Variants in PARVA observed in about 807,000 individuals in gnomAD.
The protein encoded by PARVA is alpha-parvin.
PARVA carries 25 observed loss-of-function variants against 52.6 expected under a neutral mutation model. The ratio of observed to expected loss-of-function variants is 0.48; its 90% CI spans 0.35 to 0.66. PARVA has a LOEUF of 0.66. Ranked by LOEUF, PARVA falls within the 30% of genes least tolerant of loss-of-function variation. The probability of loss-of-function intolerance (pLI) is 0.01; values close to 1 mark genes in which losing one functional copy is unlikely to be tolerated. For missense variants in PARVA, 373 were observed against 450.9 expected, an observed-to-expected ratio of 0.83 and a Z score of 1.56; for synonymous variants, 185 against 179.1, an observed-to-expected ratio of 1.03 and a Z score of -0.26.
intron 1 of PARVA, 79 bp downstream of exon 1, chr11:12,377,862 C>A: frequency 9.6e-7 from 1 of 1,040,000 alleles, no homozygotes; most frequent in Non-Finnish European, 1.2e-6. Flanking sequence ...GCACTGGGAC[C>A]GGGCGGGAGC....
At chr11:12,395,351 TA>T (rs1022922480) in intron 1 of PARVA, among the ~76,000 whole-genome samples, 1 of 152,212 alleles carries the variant, frequency 6.6e-6, no homozygotes, top group Admixed American at 6.5e-5. Flanking sequence ...AGAACAGCTT[TA>T]CACAGGTCTT....
intron 4 of PARVA, among the ~76,000 whole-genome samples, chr11:12,492,190 T>G (rs1941242212): frequency 6.6e-6 from 1 of 152,236 alleles, no homozygotes; most frequent in African/African-American, 2.4e-5. Context: ...TCTTTATGCG[T>G]CAGAACTTTT....
At chr11:12,490,215 CAAAAAAAA>C (rs34941352) in intron 4 of PARVA, among the ~76,000 whole-genome samples, 1 of 107,696 alleles carries the variant, frequency 9.3e-6, no homozygotes, top group African/African-American at 4.1e-5. Context: ...GACTCAGTCT[CAAAAAAAA>C]AAAAAAAAAG....
chr11:12,521,309 C>T (rs769679331), intron 12 of PARVA, among the ~76,000 whole-genome samples: 46 of 152,306 alleles, frequency 3.0e-4, no homozygotes, highest in Admixed American at 2.8e-3. Flanking sequence ...CTCCCCCATT[C>T]CCCTAGGAGA....
At chr11:12,391,329 C>A (rs773561694) in intron 1 of PARVA, among the ~76,000 whole-genome samples, 1 of 152,092 alleles carries the variant, frequency 6.6e-6, no homozygotes, top group Non-Finnish European at 1.5e-5. Context: ...AGTCCAGGGC[C>A]ATGAATTGGC....
intron 1 of PARVA, among the ~76,000 whole-genome samples, chr11:12,473,449 C>T (rs1036793294): frequency 1.3e-5 from 2 of 152,152 alleles, no homozygotes; most frequent in African/African-American, 2.4e-5. Context: ...GTGCCCACCT[C>T]GCTTCCATTC....
rs1941750567 is a variant in PARVA, at chr11:12,529,906, G to A, written c.*1981G>A. On this transcript the variant is annotated 3_prime_UTR_variant, in exon 13 of 13. Transcript: ENST00000334956. ...TTTTTATTAGGAAACACTAAATAGT[G>A]TAATATTTCTTTTGCTTTTAAAAAA... 1 of 152,138 alleles carries A rather than the reference G, an allele frequency of 6.6e-6. No homozygotes were observed. The highest frequency in any genetic ancestry group is 2.1e-4 in the South Asian group (1 of 4,836). The allele number at this position is 152,138 out of a possible 1,614,324, so 9.4% of individuals were successfully genotyped here.
intron 1 of PARVA, among the ~76,000 whole-genome samples, chr11:12,404,654 A>C (rs1386967647): frequency 6.6e-6 from 1 of 152,224 alleles, no homozygotes; most frequent in Admixed American, 6.5e-5. Flanking sequence ...AGACTGAAAG[A>C]AAGTGCTGAA....
intron 1 of PARVA, among the ~76,000 whole-genome samples, chr11:12,384,585 A>T (rs1223293997): frequency 6.6e-6 from 1 of 152,198 alleles, no homozygotes; most frequent in Non-Finnish European, 1.5e-5. Context: ...GTCAGTATTA[A>T]GTAGGATGGC....
chr11:12,393,671 TC>T lies in PARVA; in HGVS notation c.136+15891del, dbSNP rs145365716. ...TGTGGCGTATGTCACATCTGCCACT[TC>T]CCACTGGCCAGAACTCAGCTATGTG... On this transcript the variant is annotated intron_variant, in intron 1 of 12. Coordinates refer to ENST00000334956, the MANE Select transcript of PARVA (RefSeq NM_018222.5). Among the ~76,000 whole-genome samples the T allele has an allele frequency of 2.7e-3, 414 of 152,272 alleles. 3 individuals carry two copies. The highest frequency in any genetic ancestry group is 9.5e-3 in the African/African-American group (394 of 41,550).
intron 6 of PARVA, among the ~76,000 whole-genome samples, chr11:12,506,988 C>A (rs1240557435): frequency 6.6e-6 from 1 of 152,218 alleles, no homozygotes. Context: ...CATGAAAACA[C>A]AGCCTGTGTT....
intron 4 of PARVA, among the ~76,000 whole-genome samples, chr11:12,488,214 A>G (rs374111335): frequency 2.6e-5 from 4 of 152,220 alleles, no homozygotes; most frequent in Non-Finnish European, 2.9e-5. Flanking sequence ...TACAACTATT[A>G]TAAGTGTTTC....
chr11:12,521,875 T>G (rs1478293758), intron 12 of PARVA, among the ~76,000 whole-genome samples: 1 of 152,170 alleles, frequency 6.6e-6, no homozygotes, highest in African/African-American at 2.4e-5. Context: ...CCACCTAACT[T>G]ATTCCATCCC....
chr11:12,509,670 G>A (rs1244364314), intron 7 of PARVA, among the ~76,000 whole-genome samples: 1 of 152,216 alleles, frequency 6.6e-6, no homozygotes, highest in Non-Finnish European at 1.5e-5. Flanking sequence ...CTAGGGGCCA[G>A]AGATGTAAAG....
At chr11:12,406,740 G>A (rs1401521956) in intron 1 of PARVA, among the ~76,000 whole-genome samples, 2 of 136,286 alleles carry the variant, frequency 1.5e-5, no homozygotes, top group Admixed American at 1.7e-4. Flanking sequence ...GCGCAATCTC[G>A]GCTCACTGCA....
At chr11:12,513,626 C>T (rs148247316) in intron 9 of PARVA, 2 of 633,494 alleles carry the variant, frequency 3.2e-6, no homozygotes, top group African/African-American at 1.8e-5. Flanking sequence ...CCACTCCTCA[C>T]AGAATTCCCT....
At chr11:12,516,766 G>T (rs1941572796) in intron 10 of PARVA, among the ~76,000 whole-genome samples, 1 of 152,156 alleles carries the variant, frequency 6.6e-6, no homozygotes, top group Non-Finnish European at 1.5e-5. Flanking sequence ...TATTTAACTG[G>T]CTTAGTCCTC....
At chr11:12,480,604 A>G (rs1241364896) in intron 4 of PARVA, 1 of 152,152 alleles carries the variant, frequency 6.6e-6, no homozygotes, top group Non-Finnish European at 1.5e-5. Flanking sequence ...CATCACATCT[A>G]TGCAACCCCA....
intron 1 of PARVA, among the ~76,000 whole-genome samples, chr11:12,469,511 G>C (rs957057914): frequency 6.6e-6 from 1 of 152,164 alleles, no homozygotes; most frequent in East Asian, 1.9e-4. Context: ...CTTTCAGTGC[G>C]TGAGGATTGG....
Sources: gnomAD v4.1 joint callset for allele counts (sites outside exome capture counted in the v4.1 genomes callset) on GRCh38, gnomAD v4.1.1 for gene constraint, MANE v1.5 for transcripts, NCBI Gene and HGNC (gene_info 2026-07-23, HGNC 2026-07-21) for gene names.